ST3GAL3: variants seen among roughly 807,000 people sequenced by gnomAD.
ST3GAL3 encodes the protein CMP-N-acetylneuraminate-beta-1,4-galactoside alpha-2,3-sialyltransferase.
In ST3GAL3, 21 loss-of-function variants were observed where a neutral mutation model predicts 50.1. The ratio of observed to expected loss-of-function variants is 0.42; its 90% confidence interval spans 0.30 to 0.60. ST3GAL3 has a LOEUF of 0.60. Among genes scored for constraint, ST3GAL3 ranks in the 20% least tolerant of loss-of-function variants. ST3GAL3 has a pLI of 0.19. For synonymous variants in ST3GAL3, 183 were observed against 190.0 expected (o/e 0.96, Z 0.30); for missense variants, 353 against 489.4 (o/e 0.72, Z 2.63).
intron 5 of ST3GAL3, among the ~76,000 whole-genome samples, chr1:43,852,190 G>C (rs2067462337): frequency 1.3e-5 from 2 of 152,142 alleles, no homozygotes; most frequent in Admixed American, 6.5e-5. Context: ...CTCTCTGCTG[G>C]GAAGTCCTCC....
chr1:43,743,515 G>T, intron 2 of ST3GAL3: 1 of 432,720 alleles, frequency 2.3e-6, no homozygotes, highest in Non-Finnish European at 4.7e-6. Flanking sequence ...GATTGGTTCT[G>T]TGGTGCAGTT....
chr1:43,730,834 A>T (rs1289111627), intron 1 of ST3GAL3, among the ~76,000 whole-genome samples: 1 of 151,746 alleles, frequency 6.6e-6, no homozygotes, highest in African/African-American at 2.4e-5. Flanking sequence ...GGCATGAACC[A>T]CCATGCCTAG....
intron 9 of ST3GAL3, chr1:43,913,979 G>T (rs1036212056): frequency 6.6e-6 from 1 of 152,238 alleles, no homozygotes; most frequent in Non-Finnish European, 1.5e-5. Context: ...TTGTGGGAGA[G>T]AATTTTCACC....
chr1:43,914,851 G>A (rs1257249217), intron 9 of ST3GAL3, among the ~76,000 whole-genome samples: 1 of 152,256 alleles, frequency 6.6e-6, no homozygotes, highest in Non-Finnish European at 1.5e-5. Context: ...GCTGGCACCT[G>A]CTGTTCCTGT....
intron 5 of ST3GAL3, chr1:43,850,465 C>T (rs2067076526): frequency 1.0e-5 from 6 of 599,990 alleles, no homozygotes; most frequent in South Asian, 5.7e-5. Context: ...AGCTCTATCC[C>T]TCTGTGGATA....
chr1:43,798,847 C>T (rs1047797088), intron 3 of ST3GAL3, among the ~76,000 whole-genome samples: 9 of 152,132 alleles, frequency 5.9e-5, no homozygotes, highest in Admixed American at 1.3e-4. Context: ...ATGCGTCTGG[C>T]ACATAATAGG....
intron 2 of ST3GAL3, among the ~76,000 whole-genome samples, chr1:43,746,208 T>A (rs1255711917): frequency 9.9e-5 from 15 of 152,186 alleles, no homozygotes; most frequent in Admixed American, 7.9e-4. Context: ...AGGCATCATG[T>A]TAAATGCGTA....
chr1:43,736,313 T>C lies in ST3GAL3; in HGVS notation c.51T>C (p.Phe17=), dbSNP rs752739059. 1.5e-5 allele frequency: 25 copies of C among 1,614,072 alleles called. No individual in the cohort carries two copies. The highest frequency in any genetic ancestry group is 2.0e-5 in the Non-Finnish European group (24 of 1,180,044). ...VRNLLLALCL[F]LVLGFLYYSA... The stretch of plus-strand genomic sequence containing the variant: ...ATCTGCTGCTAGCCCTCTGCCTCTT[T>C]CTGGTACTGGGATTTTTGTATTATT... Residue 17 remains phenylalanine (F), a synonymous_variant, in exon 2 of 12, where the codon TTT becomes TTC. Transcript: ENST00000347631.
intron 5 of ST3GAL3, among the ~76,000 whole-genome samples, chr1:43,851,934 TTG>T (rs2154214399): frequency 6.6e-6 from 1 of 152,280 alleles, no homozygotes; most frequent in Non-Finnish European, 1.5e-5. Context: ...GGTGCACCCC[TTG>T]CACCAGGCTT....
chr1:43,859,059 G>A (rs1390839624), intron 5 of ST3GAL3, among the ~76,000 whole-genome samples: 5 of 152,210 alleles, frequency 3.3e-5, no homozygotes, highest in African/African-American at 7.2e-5. Context: ...CAAATTGCAC[G>A]TAGGTCCATA....
chr1:43,913,326 A>C (rs2081255014), intron 9 of ST3GAL3: 1 of 152,214 alleles, frequency 6.6e-6, no homozygotes, highest in African/African-American at 2.4e-5. Context: ...TGTAAAACGC[A>C]CAGCATCTCT....
At chr1:43,886,530 TAAG>T (rs989078832) in intron 5 of ST3GAL3, among the ~76,000 whole-genome samples, 1 of 152,198 alleles carries the variant, frequency 6.6e-6, no homozygotes, top group Admixed American at 6.5e-5. Context: ...TTTTTAAAAG[TAAG>T]AATGCATTTT....
intron 2 of ST3GAL3, among the ~76,000 whole-genome samples, chr1:43,747,933 A>G (rs1684489709): frequency 6.6e-6 from 1 of 152,044 alleles, no homozygotes; most frequent in Admixed American, 6.6e-5. Flanking sequence ...TGACTAAATC[A>G]CTGGTCATTG....
chr1:43,886,942 A>G (rs2076075874), intron 5 of ST3GAL3, among the ~76,000 whole-genome samples: 1 of 152,266 alleles, frequency 6.6e-6, no homozygotes, highest in Non-Finnish European at 1.5e-5. Context: ...ATAGCATGAT[A>G]GAAAGATCTA....
intron 2 of ST3GAL3, among the ~76,000 whole-genome samples, chr1:43,741,232 G>C (rs1462430623): frequency 1.3e-5 from 2 of 152,110 alleles, no homozygotes; most frequent in African/African-American, 2.4e-5. Context: ...GAGAGGCTGA[G>C]GTGGGAGGAT....
At chr1:43,794,516 T>G (rs1447079087) in intron 3 of ST3GAL3, among the ~76,000 whole-genome samples, 1 of 152,226 alleles carries the variant, frequency 6.6e-6, no homozygotes, top group African/African-American at 2.4e-5. Context: ...TCTAGCTAAA[T>G]TTGGATATAC....
intron 3 of ST3GAL3, chr1:43,801,386 C>T (rs148541575): frequency 2.2e-6 from 1 of 456,052 alleles, no homozygotes; most frequent in Non-Finnish European, 4.4e-6. Flanking sequence ...TCATCATGTA[C>T]AACCGTATTC....
At chr1:43,907,803 C>T (rs1181745105) in intron 9 of ST3GAL3, among the ~76,000 whole-genome samples, 1 of 152,178 alleles carries the variant, frequency 6.6e-6, no homozygotes, top group Admixed American at 6.5e-5. Flanking sequence ...GTATTTGGAT[C>T]TCTTTCACCT....
At chr1:43,831,635 T>A (rs972340664) in intron 4 of ST3GAL3, 1 of 152,252 alleles carries the variant, frequency 6.6e-6, no homozygotes, top group Non-Finnish European at 1.5e-5. Context: ...AACAGTGATC[T>A]TCTCCCTTCA....
Sources: gnomAD v4.1 joint callset for allele counts (sites outside exome capture counted in the v4.1 genomes callset) on GRCh38, gnomAD v4.1.1 for gene constraint, MANE v1.5 for transcripts, NCBI Gene and HGNC (gene_info 2026-07-23, HGNC 2026-07-21) for gene names.